Variants in ATAD1 observed in about 807,000 individuals in gnomAD.
The protein encoded by ATAD1 is outer mitochondrial transmembrane helix translocase.
Under a neutral mutation model 42.7 loss-of-function variants are expected in ATAD1, and 18 were observed. The observed-to-expected ratio is 0.42, with a 90% CI of 0.29 to 0.63. The LOEUF (loss-of-function observed/expected upper bound fraction) is 0.63, where lower values mean the gene tolerates loss of function less well. Among genes scored for constraint, ATAD1 ranks in the 20% least tolerant of loss-of-function variants. The pLI, the probability that ATAD1 is intolerant of heterozygous loss-of-function variation, is 0.19. For synonymous variants in ATAD1, 132 were observed against 143.1 expected (o/e 0.92, Z 0.55); for missense variants, 294 against 440.4 (o/e 0.67, Z 2.98).
intron 8 of ATAD1, 58 bp from the exon 9 acceptor site, chr10:87,756,980 C>T: frequency 2.2e-6 from 3 of 1,350,926 alleles, no homozygotes; most frequent in Non-Finnish European, 3.0e-6. Context: ...GTAAATGATA[C>T]TACCAAACAC....
chr10:87,841,309 T>C (rs1399116064), exon 1 of ATAD1: 2 of 152,176 alleles, frequency 1.3e-5, no homozygotes, highest in African/African-American at 2.4e-5. Flanking sequence ...AGCTAGTCTA[T>C]GGGGGAGATG....
At chr10:87,782,113 G>A (rs12256014) in intron 5 of ATAD1, among the ~76,000 whole-genome samples, 3,136 of 152,240 alleles carry the variant, frequency 0.021, 102 homozygotes, top group African/African-American at 0.069. Flanking sequence ...ATAGCAGAAT[G>A]ACATGAAAAT....
At chr10:87,778,695 A>G (rs1855428924) in intron 5 of ATAD1, among the ~76,000 whole-genome samples, 2 of 152,182 alleles carry the variant, frequency 1.3e-5, no homozygotes, top group Admixed American at 1.3e-4. Flanking sequence ...AGTACTTTGT[A>G]TCTTGGATTT....
intron 6 of ATAD1, 64 bp downstream of exon 6, chr10:87,776,257 C>T: frequency 8.0e-7 from 1 of 1,252,066 alleles, no homozygotes; most frequent in Non-Finnish European, 1.1e-6. Context: ...GTAAGTAGCC[C>T]AGCAAATTTT....
chr10:87,808,373 C>T (rs1300303082), intron 2 of ATAD1, among the ~76,000 whole-genome samples: 2 of 147,440 alleles, frequency 1.4e-5, no homozygotes, highest in East Asian at 2.0e-4. Context: ...TGAAAGACAA[C>T]AGGCTTGCTC....
rs1291611195 is a variant in ATAD1, at chr10:87,776,056, A to G, written c.690+265T>C. Among the ~76,000 whole-genome samples, 4 of 152,176 alleles carry G rather than the reference A, an allele frequency of 2.6e-5. No homozygotes were observed. The South Asian group carries it at 8.3e-4, about 31-fold the overall frequency. On this transcript the variant is annotated intron_variant, in intron 6 of 9. Transcript: ENST00000680024. ...TAGCACTGTAGGTTCTGAAAATTCC[A>G]AGGACAGGCTTTACTCTGGTGTTTT...
At chr10:87,808,405 C>T (rs548709339) in intron 2 of ATAD1, among the ~76,000 whole-genome samples, 1 of 151,158 alleles carries the variant, frequency 6.6e-6, no homozygotes, top group Admixed American at 6.6e-5. Context: ...GAGAATGTTT[C>T]CAATTCTTCA....
At chr10:87,783,455 T>C (rs1398209183) in intron 5 of ATAD1, among the ~76,000 whole-genome samples, 1 of 151,922 alleles carries the variant, frequency 6.6e-6, no homozygotes, top group Non-Finnish European at 1.5e-5. Flanking sequence ...CTGGAGTAAA[T>C]TGATGAGAAA....
intron 1 of ATAD1, among the ~76,000 whole-genome samples, chr10:87,840,868 A>C (rs998201394): frequency 1.3e-5 from 2 of 152,168 alleles, no homozygotes; most frequent in African/African-American, 4.8e-5. Flanking sequence ...ATATATGATG[A>C]TATTTTTATC....
At chr10:87,819,321 G>T (rs555991637), upstream of ATAD1, 7 of 147,208 alleles carry the variant, frequency 4.8e-5, no homozygotes, top group South Asian at 1.3e-3. Flanking sequence ...ATTTGGTGGC[G>T]CATGTCTGTA....
intron 1 of ATAD1, 182 bp downstream of exon 1, chr10:87,817,985 T>A (rs1445313992): frequency 2.0e-6 from 2 of 985,644 alleles, no homozygotes; most frequent in African/African-American, 3.5e-5. Flanking sequence ...GGGACGCCCT[T>A]GGAGGTTAAT....
At chr10:87,769,230 A>G (rs917646449) in intron 7 of ATAD1, among the ~76,000 whole-genome samples, 1 of 152,190 alleles carries the variant, frequency 6.6e-6, no homozygotes, top group African/African-American at 2.4e-5. Flanking sequence ...CTCTTGTGCA[A>G]AGCATATAAA....
At chr10:87,817,946 A>C in intron 1 of ATAD1, 1 of 985,614 alleles carries the variant, frequency 1.0e-6, no homozygotes, top group African/African-American at 1.7e-5. Context: ...CTAAGGGCCC[A>C]GGCCGGGCCG....
intron 8 of ATAD1, 71 bp from the exon 9 acceptor site, chr10:87,756,993 A>G (rs1291388447): frequency 7.8e-7 from 1 of 1,275,632 alleles, no homozygotes. Flanking sequence ...CCAAACACCC[A>G]TCTTAAAGAA....
chr10:87,760,853 G>A lies in ATAD1; in HGVS notation c.832-3931C>T, dbSNP rs117102405. Among the ~76,000 whole-genome samples, 31 of 152,272 alleles carry A rather than the reference G, an allele frequency of 2.0e-4. No homozygotes were observed. The East Asian group carries it at 5.0e-3, about 25-fold the overall frequency. ...AAAAGCTACCTCCTTAAAGTCAGAC[G>A]AAATACTTTTATAGGGTATAAATTT... On this transcript the variant is annotated intron_variant, in intron 8 of 9. Coordinates refer to ENST00000680024, the MANE Select transcript of ATAD1 (RefSeq NM_001321967.2).
At chr10:87,821,562 A>G (rs1046982212), upstream of ATAD1, among the ~76,000 whole-genome samples, 2 of 152,076 alleles carry the variant, frequency 1.3e-5, no homozygotes, top group African/African-American at 4.8e-5. Flanking sequence ...CTCAAATTTC[A>G]CTGTATATAG....
rs932662330 is a variant in ATAD1 at position 87,817,131 on chromosome 10, C to T, written c.-14+1036G>A. On this transcript the variant is annotated intron_variant, in intron 1 of 9. Coordinates refer to ENST00000680024, the MANE Select transcript of ATAD1 (RefSeq NM_001321967.2). ...CTACCTTTTTAAATTACTTCAAAAT[C>T]CTTCAATGAAACTGAAACTTGTTTT... Among the ~76,000 whole-genome samples the T allele has an allele frequency of 3.3e-5, 5 of 152,164 alleles. No individual in the cohort carries two copies. The East Asian group carries it at 9.6e-4, about 29-fold the overall frequency.
At chr10:87,805,847 A>G (rs796785612) in intron 2 of ATAD1, among the ~76,000 whole-genome samples, 5 of 151,826 alleles carry the variant, frequency 3.3e-5, no homozygotes, top group African/African-American at 1.2e-4. Context: ...GCCTCCACCA[A>G]ATGGAAATTA....
intron 8 of ATAD1, among the ~76,000 whole-genome samples, chr10:87,760,863 T>A (rs1360040367): frequency 1.3e-5 from 2 of 152,254 alleles, no homozygotes; most frequent in African/African-American, 4.8e-5. Flanking sequence ...GAAATACTTT[T>A]ATAGGGTATA....
Sources: gnomAD v4.1 joint callset for allele counts (sites outside exome capture counted in the v4.1 genomes callset) on GRCh38, gnomAD v4.1.1 for gene constraint, MANE v1.5 for transcripts, NCBI Gene and HGNC (gene_info 2026-07-23, HGNC 2026-07-21) for gene names.